Variants in PMEPA1 observed in about 807,000 individuals in gnomAD.
The protein encoded by PMEPA1 is prostate transmembrane protein, androgen induced 1.
In PMEPA1, 11 loss-of-function variants were observed where a neutral mutation model predicts 23.0. That is an observed-to-expected ratio of 0.48 (90% CI 0.30 to 0.79). PMEPA1 has a LOEUF of 0.79. Among genes scored for constraint, PMEPA1 ranks in the 30% least tolerant of loss-of-function variants. The pLI, the probability that PMEPA1 is intolerant of heterozygous loss-of-function variation, is 0.06. For missense variants in PMEPA1, 377 were observed against 390.9 expected, an observed-to-expected ratio of 0.96 and a Z score of 0.30; for synonymous variants, 204 against 166.4, an observed-to-expected ratio of 1.23 and a Z score of -1.74.
At chr20:57,671,099 C>T (rs1287148035) in intron 1 of PMEPA1, among the ~76,000 whole-genome samples, 1 of 152,174 alleles carries the variant, frequency 6.6e-6, no homozygotes, top group South Asian at 2.1e-4. Context: ...CAAAGCTGTG[C>T]CTTTTATCCT....
At chr20:57,700,252 G>A (rs958227928) in intron 1 of PMEPA1, 7 of 424,914 alleles carry the variant, frequency 1.6e-5, no homozygotes, top group East Asian at 7.3e-5. Context: ...ATGCTTTACC[G>A]AACATGTTCG....
chr20:57,681,045 A>G (rs2071705843), intron 1 of PMEPA1, among the ~76,000 whole-genome samples: 1 of 152,216 alleles, frequency 6.6e-6, no homozygotes, highest in Non-Finnish European at 1.5e-5. Flanking sequence ...GACAACTTCT[A>G]GTTTCCACCT....
chr20:57,702,325 C>T (rs551266484), intron 1 of PMEPA1, among the ~76,000 whole-genome samples: 18 of 152,318 alleles, frequency 1.2e-4, no homozygotes, highest in African/African-American at 2.6e-4. Flanking sequence ...ACCCCCGCCA[C>T]GACATCTGTT....
chr20:57,676,187 G>T (rs2071634033), intron 1 of PMEPA1, among the ~76,000 whole-genome samples: 1 of 152,222 alleles, frequency 6.6e-6, no homozygotes, highest in Non-Finnish European at 1.5e-5. Context: ...CTCTGGATTC[G>T]AATCCAGATG....
intron 1 of PMEPA1, among the ~76,000 whole-genome samples, chr20:57,666,861 G>A (rs980260947): frequency 6.6e-5 from 10 of 152,232 alleles, no homozygotes; most frequent in Admixed American, 1.3e-4. Flanking sequence ...CCCTGTCTCT[G>A]AGTTTTTCAT....
intron 1 of PMEPA1, among the ~76,000 whole-genome samples, chr20:57,676,721 AC>A (rs1184681676): frequency 6.7e-6 from 1 of 150,206 alleles, no homozygotes; most frequent in Non-Finnish European, 1.5e-5. Flanking sequence ...TGGGAGCTGG[AC>A]CCCCCATGAC....
intron 1 of PMEPA1, 33 bp downstream of exon 1, chr20:57,709,441 A>G: frequency 1.8e-6 from 2 of 1,084,658 alleles, no homozygotes; most frequent in Non-Finnish European, 2.3e-6. Context: ...AGCCCGATGG[A>G]GTCTCCGGGG....
At chr20:57,691,089 C>T (rs780273505) in intron 1 of PMEPA1, among the ~76,000 whole-genome samples, 3 of 152,132 alleles carry the variant, frequency 2.0e-5, no homozygotes, top group Non-Finnish European at 4.4e-5. Flanking sequence ...GTTTTCTGGC[C>T]GATTTCCAGT....
Position 57,666,557 on chromosome 20 carries a change from T to A in PMEPA1, c.110-6860A>T, listed in dbSNP as rs536745011. 7.9e-4 allele frequency among the ~76,000 whole-genome samples: 120 copies of A among 152,272 alleles called. 1 individual carries two copies. In the Middle Eastern group the frequency reaches 0.017, roughly 22 times the overall value. On this transcript the variant is annotated intron_variant, in intron 1 of 3. Transcript: ENST00000341744. The stretch of plus-strand genomic sequence containing the variant: ...GACCCCCAGCAGTCCTGAGTGTGAT[T>A]ATCCCAAAATGCCAGAAACAGCGGG...
chr20:57,663,423 GGTGGGCAGCAGGGGGACA>G (rs2071450211), intron 1 of PMEPA1, among the ~76,000 whole-genome samples: 1 of 152,070 alleles, frequency 6.6e-6, no homozygotes, highest in Admixed American at 6.5e-5. Context: ...GCGGGGGGAC[GGTGGGCAGCAGGGGGACA>G]GTGGGCAGCA....
At chr20:57,679,824 AGTTTC>A (rs1222957859) in intron 1 of PMEPA1, among the ~76,000 whole-genome samples, 1 of 152,130 alleles carries the variant, frequency 6.6e-6, no homozygotes, top group Non-Finnish European at 1.5e-5. Context: ...TTAGATACTG[AGTTTC>A]TAGGGGAGGA....
At chr20:57,678,145 T>C (rs560125912) in intron 1 of PMEPA1, among the ~76,000 whole-genome samples, 3 of 152,254 alleles carry the variant, frequency 2.0e-5, no homozygotes, top group African/African-American at 4.8e-5. Flanking sequence ...TAAAACTGCA[T>C]TGAACGAAAC....
Position 57,683,537 on chromosome 20 carries a change from G to T in PMEPA1, c.110-23840C>A, listed in dbSNP as rs1432628405. On this transcript the variant is annotated intron_variant, in intron 1 of 3. Coordinates refer to ENST00000341744, the MANE Select transcript of PMEPA1 (RefSeq NM_020182.5). The surrounding 1 kb of genome is among the most constrained non-coding windows in gnomAD (Gnocchi z 4.3). ...GCATTACTATACTAACTCGGTGGTG[G>T]TGTTCTGGCCTGTGTGCGTGTGTGT... 6.9e-6 allele frequency among the ~76,000 whole-genome samples: 1 copy of T among 144,734 alleles called. No individual in the cohort carries two copies. The highest frequency in any genetic ancestry group is 3.2e-3 in the Middle Eastern group (1 of 316). The allele number at this position is 144,734 out of a possible 152,430, so 95.0% of individuals were successfully genotyped here.
rs2071212772 is a variant in PMEPA1, at chr20:57,650,647, GAGA to G, written c.*1403_*1405del. Reference sequence around the variant, plus strand: ...CGGGGAAAGGAGATGGAAAGGGGAAGAGAAGGTGAAGAATTCTGCGCCCGAAGC... The same window carrying G: ...CGGGGAAAGGAGATGGAAAGGGGAAGAGGTGAAGAATTCTGCGCCCGAAGC... On this transcript the variant is annotated 3_prime_UTR_variant, in exon 4 of 4. Transcript: ENST00000341744. 6.6e-6 allele frequency: 1 copy of G among 152,368 alleles called. No homozygotes were observed. The highest frequency in any genetic ancestry group is 1.5e-5 in the Non-Finnish European group (1 of 68,106). 9.4% of individuals were successfully genotyped at this position (152,368 alleles called of 1,614,324 possible).
chr20:57,683,726 C>G lies in PMEPA1; in HGVS notation c.110-24029G>C, dbSNP rs1405538054. The stretch of plus-strand genomic sequence containing the variant: ...CAAGCACAGTCACCCCACTTCCCCA[C>G]TCCGCGGGGAAATTTACAGGCTTCC... On this transcript the variant is annotated intron_variant, in intron 1 of 3. Coordinates refer to ENST00000341744, the MANE Select transcript of PMEPA1 (RefSeq NM_020182.5). The surrounding 1 kb of genome is among the most constrained non-coding windows in gnomAD (Gnocchi z 4.3). 2.0e-5 allele frequency among the ~76,000 whole-genome samples: 3 copies of G among 152,110 alleles called. No homozygotes were observed. Among genetic ancestry groups the G allele is most frequent in the African/African-American group, 7.2e-5 (3 of 41,404 alleles).
intron 1 of PMEPA1, among the ~76,000 whole-genome samples, chr20:57,678,120 A>G (rs547623931): frequency 2.6e-4 from 39 of 152,242 alleles, no homozygotes; most frequent in Non-Finnish European, 5.0e-4. Context: ...TGGTTACACA[A>G]ATCTACGCAT....
intron 1 of PMEPA1, among the ~76,000 whole-genome samples, chr20:57,688,498 T>C (rs994308893): frequency 6.6e-6 from 1 of 152,128 alleles, no homozygotes; most frequent in East Asian, 1.9e-4. Flanking sequence ...TAGGGGGCAG[T>C]TGAGAACCCC....
At chr20:57,710,337 C>T (rs2072159433), upstream of PMEPA1, 2 of 1,029,464 alleles carry the variant, frequency 1.9e-6, no homozygotes, top group South Asian at 2.4e-5. Flanking sequence ...CCCCTCGCCC[C>T]CGTCCCTGGG....
chr20:57,711,183 T>C (rs956580539), upstream of PMEPA1: 4 of 151,894 alleles, frequency 2.6e-5, no homozygotes, highest in African/African-American at 9.7e-5. Context: ...ATGCCTGGAG[T>C]TTCAGTAATT....
Sources: gnomAD v4.1 joint callset for allele counts (sites outside exome capture counted in the v4.1 genomes callset) on GRCh38, gnomAD v4.1.1 for gene constraint, Gnocchi (gnomAD v3.1) non-coding constraint, MANE v1.5 for transcripts, NCBI Gene and HGNC (gene_info 2026-07-23, HGNC 2026-07-21) for gene names.